Variants in TASOR2 observed in about 807,000 individuals in gnomAD.
The protein encoded by TASOR2 is protein TASOR 2.
In TASOR2, 84 loss-of-function variants were observed where a neutral mutation model predicts 199.5. That is an observed-to-expected ratio of 0.42 (90% CI 0.35 to 0.50). The LOEUF (loss-of-function observed/expected upper bound fraction) is 0.50. Among genes scored for constraint, TASOR2 ranks in the 20% least tolerant of loss-of-function variants. The pLI is 0.02. For missense variants in TASOR2, 2,796 were observed against 2,835.9 expected (o/e 0.99, Z 0.32); for synonymous variants, 1,103 against 1,046.6 (o/e 1.05, Z -1.04).
At position 5,719,656 on chromosome 10, in the gene TASOR2, T is replaced by C. The variant is rs1463160569; in HGVS notation, c.-99-888T>C. Reference sequence around the variant, plus strand: ...TGTGCCCAGCTGCTTGCTTTTTTCTTTTTTTTTGGAGAGACATGTAACCCT... The same window carrying C: ...TGTGCCCAGCTGCTTGCTTTTTTCTCTTTTTTTGGAGAGACATGTAACCCT... On this transcript the variant is annotated intron_variant, in intron 3 of 20. Coordinates refer to ENST00000328090, the Ensembl canonical transcript of TASOR2. The surrounding 1 kb of genome is among the most constrained non-coding windows in gnomAD (Gnocchi z 4.1). Among the ~76,000 whole-genome samples the C allele has an allele frequency of 6.6e-6, 1 of 151,920 alleles. No homozygotes were observed. Among genetic ancestry groups the C allele is most frequent in the Non-Finnish European group, 1.5e-5 (1 of 67,956 alleles).
rs994928396 is a variant in TASOR2, at chr10:5,687,679, G to T, written c.-288+2504G>T. 5.3e-5 allele frequency among the ~76,000 whole-genome samples: 8 copies of T among 152,192 alleles called. No individual in the cohort carries two copies. The highest frequency in any genetic ancestry group is 1.9e-4 in the African/African-American group (8 of 41,452). Reference sequence around the variant, plus strand: ...TACTAAAAATACAAAAATTAGCCAGGTGTGGTGGCAGGTGCAGGTAGTCCC... The same window carrying T: ...TACTAAAAATACAAAAATTAGCCAGTTGTGGTGGCAGGTGCAGGTAGTCCC... On this transcript the variant is annotated intron_variant, in intron 1 of 20. Transcript: ENST00000328090. This position sits in a 1 kb window ranked among gnomAD's most constrained non-coding sequence, Gnocchi z 4.8.
At chr10:5,715,197 C>T (rs767843689) in intron 2 of TASOR2, among the ~76,000 whole-genome samples, 26 of 148,516 alleles carry the variant, frequency 1.8e-4, no homozygotes, top group South Asian at 1.1e-3. Context: ...GATTATCGGG[C>T]TTCATGGCTA....
At chr10:5,757,770 T>A in intron 17 of TASOR2, 97 bp downstream of exon 18, 1 of 1,350,554 alleles carries the variant, frequency 7.4e-7, no homozygotes, top group Non-Finnish European at 1.0e-6. Flanking sequence ...TGATCAACTC[T>A]AAGGAATATC....
rs1837369936 is a variant in TASOR2 at position 5,698,072 on chromosome 10, C to T, written c.-288+12897C>T. The stretch of plus-strand genomic sequence containing the variant: ...ACTTTTCCTTATGTTCACTCCATGA[C>T]CCTATGCAGTTCCTTTCATTAAAGT... On this transcript the variant is annotated intron_variant, in intron 1 of 20. Coordinates refer to ENST00000328090, the Ensembl canonical transcript of TASOR2. This position sits in a 1 kb window ranked among gnomAD's most constrained non-coding sequence, Gnocchi z 4.4. Among the ~76,000 whole-genome samples the T allele has an allele frequency of 6.6e-6, 1 of 152,196 alleles. No individual in the cohort carries two copies. Among genetic ancestry groups the T allele is most frequent in the African/African-American group, 2.4e-5 (1 of 41,436 alleles).
At chr10:5,753,190 C>T (rs1363436435) in intron 15 of TASOR2, among the ~76,000 whole-genome samples, 1 of 152,152 alleles carries the variant, frequency 6.6e-6, no homozygotes, top group Non-Finnish European at 1.5e-5. Context: ...ACTGCCTTAA[C>T]GTGAAACTCC....
intron 1 of TASOR2, among the ~76,000 whole-genome samples, chr10:5,702,583 T>C (rs1334783391): frequency 6.6e-6 from 1 of 151,842 alleles, no homozygotes; most frequent in Non-Finnish European, 1.5e-5. Flanking sequence ...CTTGGGCTTT[T>C]CTTTAATGGA....
intron 6 of TASOR2, 126 bp downstream of exon 7, chr10:5,721,096 G>T: frequency 3.1e-6 from 2 of 653,746 alleles, no homozygotes; most frequent in Non-Finnish European, 5.2e-6. Context: ...TTTAGATGAG[G>T]GTATATTTGG....
chr10:5,718,579 C>G (rs1249376511), intron 3 of TASOR2, among the ~76,000 whole-genome samples: 3 of 151,846 alleles, frequency 2.0e-5, no homozygotes, highest in Non-Finnish European at 4.4e-5. Flanking sequence ...GAAACCCTGT[C>G]TCCACTTTTT....
chr10:5,694,911 T>C (rs1249220061), intron 1 of TASOR2, among the ~76,000 whole-genome samples: 1 of 152,230 alleles, frequency 6.6e-6, no homozygotes, highest in Non-Finnish European at 1.5e-5. Flanking sequence ...TTTTGCATCT[T>C]GGAATGAGCC....
intron 14 of TASOR2, among the ~76,000 whole-genome samples, chr10:5,743,092 A>G (rs183722242): frequency 6.6e-6 from 1 of 152,358 alleles, no homozygotes; most frequent in Non-Finnish European, 1.5e-5. Context: ...CAGATAATCC[A>G]AATTTTACCT....
At position 5,722,935 on chromosome 10, in the gene TASOR2, G is replaced by T. The variant is rs974083900; in HGVS notation, c.147-742G>T. On this transcript the variant is annotated intron_variant, in intron 6 of 20. Coordinates refer to ENST00000328090, the Ensembl canonical transcript of TASOR2. This position sits in a 1 kb window ranked among gnomAD's most constrained non-coding sequence, Gnocchi z 4.0. ...AGGCAGGGTAATCACTTGAACCCGG[G>T]AGTCAGAGGTTGCAGTGAGCTGAGA... Among the ~76,000 whole-genome samples the T allele has an allele frequency of 6.6e-6, 1 of 151,508 alleles. No homozygotes were observed. The highest frequency in any genetic ancestry group is 1.5e-5 in the Non-Finnish European group (1 of 67,860).
At chr10:5,757,752 A>G in intron 17 of TASOR2, 79 bp downstream of exon 18, 2 of 1,462,794 alleles carry the variant, frequency 1.4e-6, no homozygotes, top group Non-Finnish European at 1.9e-6. Context: ...TGTTTCATCC[A>G]AAAGAAATGA....
Position 5,699,817 on chromosome 10 carries a change from T to A in TASOR2, c.-287-13006T>A, listed in dbSNP as rs1341756993. 1 of 829,604 alleles carries A rather than the reference T, an allele frequency of 1.2e-6. No individual in the cohort carries two copies. The highest frequency in any genetic ancestry group is 6.2e-5 in the Admixed American group (1 of 16,078). 51.4% of individuals were successfully genotyped at this position (829,604 alleles called of 1,614,324 possible). On this transcript the variant is annotated intron_variant, in intron 1 of 20. Coordinates refer to ENST00000328090, the Ensembl canonical transcript of TASOR2. The surrounding 1 kb of genome is among the most constrained non-coding windows in gnomAD (Gnocchi z 4.1). ...ACAGGAGAAAAATGAGTAAAACAGG[T>A]ACACATTTATTTTTATTGATGCGTA...
intron 14 of TASOR2, chr10:5,743,856 TG>T (rs1207624261): frequency 6.6e-6 from 1 of 151,934 alleles, no homozygotes; most frequent in African/African-American, 2.4e-5. Context: ...CGTAGGCTTT[TG>T]TTTTTTTGTC....
chr10:5,746,381 A>C, exon 15 of TASOR2: 1 of 1,614,208 alleles, frequency 6.2e-7, no homozygotes, highest in Non-Finnish European at 8.5e-7. Context: ...CCTGGCAGTC[A>C]GCCAGTGATA....
chr10:5,728,212 C>T (rs1293804251), intron 10 of TASOR2, among the ~76,000 whole-genome samples: 1 of 91,118 alleles, frequency 1.1e-5, no homozygotes, highest in African/African-American at 4.6e-5. Flanking sequence ...CAGAGTGAGA[C>T]CCTGTTTCAA....
chr10:5,758,186 G>A (rs1208526510), intron 17 of TASOR2, among the ~76,000 whole-genome samples: 1 of 152,108 alleles, frequency 6.6e-6, no homozygotes, highest in Non-Finnish European at 1.5e-5. Flanking sequence ...GATCACATTG[G>A]AAGTGATACC....
In TASOR2 at chr10:5,730,521, A is replaced by G. The variant is rs377736816; in HGVS notation, c.522A>G (p.Ser174=). ...ATTTGAAAGTTGAAGATGACATCTC[A>G]ATGAAGGTGATACCTATTTTATCTA... The change falls in exon 11 of 21, where the codon TCA becomes TCG. Residue 174 remains serine (S), a synonymous_variant. Transcript: ENST00000328090. This position sits in a 1 kb window ranked among gnomAD's most constrained non-coding sequence, Gnocchi z 4.1. 1.9e-6 allele frequency: 3 copies of G among 1,610,086 alleles called. No homozygotes were observed. The highest frequency in any genetic ancestry group is 2.5e-6 in the Non-Finnish European group (3 of 1,178,646).
At chr10:5,714,058 T>TAAA (rs3834899) in intron 2 of TASOR2, 77 bp from the exon 3 acceptor site, 24,701 of 599,596 alleles carry the variant, frequency 0.041, 7 homozygotes, top group Middle Eastern at 0.072. Flanking sequence ...AAAATAAAAT[T>TAAA]AAAAAAAAAA....
Sources: allele counts gnomAD v4.1 joint callset (sites outside exome capture counted in the v4.1 genomes callset), GRCh38; gene constraint gnomAD v4.1.1; non-coding constraint Gnocchi (gnomAD v3.1); transcripts MANE v1.5; gene names NCBI Gene and HGNC (gene_info 2026-07-23, HGNC 2026-07-21).